XPO7: variants seen among roughly 807,000 people sequenced by gnomAD.
The protein encoded by XPO7 is exportin 7, also known as exportin-7.
XPO7 carries 21 observed loss-of-function variants against 144.3 expected under a neutral mutation model. The ratio of observed to expected loss-of-function variants is 0.15; its 90% CI spans 0.10 to 0.21. The LOEUF is 0.21. Among genes scored for constraint, XPO7 ranks in the 10% least tolerant of loss-of-function variants. XPO7 has a pLI of 1.00. For missense variants in XPO7, 808 were observed against 1,325.8 expected (o/e 0.61, Z 6.06); for synonymous variants, 580 against 499.6 (o/e 1.16, Z -2.15).
Position 21,987,216 on chromosome 8 carries a change from G to A in XPO7, c.1653G>A (p.Leu551=). 6.2e-7 allele frequency: 1 copy of A among 1,613,958 alleles called. No individual in the cohort carries two copies. Among genetic ancestry groups the A allele is most frequent in the Non-Finnish European group, 8.5e-7 (1 of 1,179,880 alleles). ...ATGAGAAGCTAGAGTTGGCCATGCT[G>A]AGCTTTTTTGAACAGTTTCGTAAGA... ...AGNEKLELAM[L]SFFEQFRKIY... is the part of the protein sequence containing the mutation. The change falls in exon 14 of 28, where the codon CTG becomes CTA. Residue 551 remains leucine, a synonymous_variant. Coordinates refer to ENST00000252512, the MANE Select transcript of XPO7 (RefSeq NM_015024.5).
chr8:21,936,587 C>T (rs1263793670), intron 1 of XPO7, among the ~76,000 whole-genome samples: 1 of 152,222 alleles, frequency 6.6e-6, no homozygotes. Context: ...GGTCTATCAC[C>T]TGTTGCCCAC....
intron 1 of XPO7, among the ~76,000 whole-genome samples, chr8:21,949,681 CCAGGAGT>C (rs1563317771): frequency 1.3e-5 from 2 of 152,076 alleles, no homozygotes; most frequent in South Asian, 4.1e-4. Flanking sequence ...CTGCCCTCTG[CCAGGAGT>C]CAGGTGAAGC....
At chr8:21,972,484 A>G (rs1228100580) in intron 5 of XPO7, among the ~76,000 whole-genome samples, 2 of 152,220 alleles carry the variant, frequency 1.3e-5, no homozygotes, top group African/African-American at 4.8e-5. Flanking sequence ...TCTCAAAAAA[A>G]GCAAAATACT....
At position 21,994,350 on chromosome 8, in the gene XPO7, C is replaced by A. The variant is rs370788503; in HGVS notation, c.2149-13C>A. On this transcript the variant is annotated splice_polypyrimidine_tract_variant and intron_variant, in intron 19 of 27. Coordinates refer to ENST00000252512, the MANE Select transcript of XPO7 (RefSeq NM_015024.5). ...TTTCTTCTATTTTAACACATTTTTG[C>A]CTTCTACTACAGCGAACTCTAGTTG... The A allele has an allele frequency of 9.3e-6, 15 of 1,607,556 alleles. No homozygotes were observed. The highest frequency in any genetic ancestry group is 1.3e-5 in the African/African-American group (1 of 74,860).
intron 16 of XPO7, among the ~76,000 whole-genome samples, chr8:21,990,050 C>T (rs573475707): frequency 2.6e-5 from 4 of 151,434 alleles, no homozygotes; most frequent in South Asian, 4.2e-4. Flanking sequence ...AGGGTTTCAC[C>T]GTGTTAGCCA....
rs1220238831 is a variant in XPO7 at position 22,005,029 on chromosome 8, G to A, written c.3205G>A (p.Val1069Ile). 2 of 1,611,646 alleles carry A rather than the reference G, an allele frequency of 1.2e-6. No homozygotes were observed. The highest frequency in any genetic ancestry group is 1.1e-5 in the South Asian group (1 of 90,942). Reference sequence around the variant, plus strand: ...GAACCTGTCAGCATTCCGTCGAGAAGTCAACGACTCAATGAAGAATTCCAC... The same window carrying A: ...GAACCTGTCAGCATTCCGTCGAGAAATCAACGACTCAATGAAGAATTCCAC... ...TQNLSAFRRE[V>I]NDSMKNSTYG... The change falls in exon 28 of 28, where the codon GTC becomes ATC. Residue 1069 changes from valine (V) to isoleucine (I), a missense_variant. Val to Ile is a conservative substitution (Grantham distance 29). This residue lies in a region of XPO7 where 140 missense variants were observed against 237.9 expected (regional missense o/e 0.59). Transcript: ENST00000252512.
At chr8:21,933,026 C>A (rs78674473) in intron 1 of XPO7, among the ~76,000 whole-genome samples, 7 of 151,236 alleles carry the variant, frequency 4.6e-5, no homozygotes, top group African/African-American at 1.7e-4. Flanking sequence ...ATTTTACTGC[C>A]GGGATTATAG....
chr8:21,933,055 G>A (rs1460527076), intron 1 of XPO7, among the ~76,000 whole-genome samples: 1 of 151,438 alleles, frequency 6.6e-6, no homozygotes, highest in Non-Finnish European at 1.5e-5. Context: ...CACATTCTAA[G>A]GTTTTAGAAC....
intron 8 of XPO7, among the ~76,000 whole-genome samples, chr8:21,978,659 G>A (rs1812303932): frequency 6.6e-6 from 1 of 152,222 alleles, no homozygotes; most frequent in African/African-American, 2.4e-5. Context: ...ACCAGCACGG[G>A]GTGGTGGTGC....
intron 12 of XPO7, 85 bp downstream of exon 12, chr8:21,984,924 C>G: frequency 7.1e-7 from 1 of 1,411,858 alleles, no homozygotes; most frequent in East Asian, 2.3e-5. Flanking sequence ...TCTTTCCTAC[C>G]TCCCTGCAAA....
chr8:21,932,382 A>T (rs2117250962), intron 1 of XPO7, among the ~76,000 whole-genome samples: 1 of 152,324 alleles, frequency 6.6e-6, no homozygotes, highest in East Asian at 1.9e-4. Flanking sequence ...AGAAACATTT[A>T]CTTAATATTC....
At chr8:21,990,428 T>G (rs1812732363) in intron 17 of XPO7, 21 bp downstream of exon 17, 2 of 1,612,992 alleles carry the variant, frequency 1.2e-6, no homozygotes, top group African/African-American at 2.7e-5. Flanking sequence ...TTAGCTTTTT[T>G]TCCTGGCCCT....
chr8:21,987,900 C>G (rs1192316856), intron 15 of XPO7, 43 bp downstream of exon 15: 1 of 1,585,218 alleles, frequency 6.3e-7, no homozygotes, highest in Non-Finnish European at 8.6e-7. Flanking sequence ...CTTTGCACTC[C>G]TGTTGCAACT....
At chr8:21,997,391 G>A (rs1812987582) in intron 21 of XPO7, among the ~76,000 whole-genome samples, 1 of 152,184 alleles carries the variant, frequency 6.6e-6, no homozygotes. Flanking sequence ...GAGGGGAATT[G>A]AAGGACAGGA....
intron 25 of XPO7, 48 bp from the exon 26 acceptor site, chr8:22,003,171 G>A: frequency 6.9e-7 from 1 of 1,457,326 alleles, no homozygotes. Context: ...TTTATCTTGG[G>A]TAGCAATACA....
At chr8:21,955,724 C>CTTT (rs71544845) in intron 1 of XPO7, among the ~76,000 whole-genome samples, 1,651 of 102,630 alleles carry the variant, frequency 0.016, 168 homozygotes, top group African/African-American at 0.066. Context: ...CTGTGCTTAC[C>CTTT]TTTTTTTTTT....
intron 1 of XPO7, among the ~76,000 whole-genome samples, chr8:21,933,354 C>T (rs1413465850): frequency 5.3e-5 from 8 of 152,078 alleles, no homozygotes; most frequent in Admixed American, 5.2e-4. Context: ...CCTGCCTCGG[C>T]CTCCCAAAGT....
At chr8:21,935,583 T>G (rs1810795194) in intron 1 of XPO7, among the ~76,000 whole-genome samples, 1 of 152,216 alleles carries the variant, frequency 6.6e-6, no homozygotes, top group African/African-American at 2.4e-5. Flanking sequence ...CCTTTTGCTT[T>G]TTTCTCATAG....
intron 1 of XPO7, among the ~76,000 whole-genome samples, chr8:21,922,872 A>G (rs1037531698): frequency 2.6e-5 from 4 of 152,170 alleles, no homozygotes; most frequent in Non-Finnish European, 5.9e-5. Context: ...AGGAGAATGT[A>G]CTATTTGCAA....
Sources: allele counts gnomAD v4.1 joint callset (sites outside exome capture counted in the v4.1 genomes callset), GRCh38; gene constraint gnomAD v4.1.1; regional missense constraint gnomAD v4.1.1; transcripts MANE v1.5; gene names NCBI Gene and HGNC (gene_info 2026-07-23, HGNC 2026-07-21).